The following CLDN14 variants were observed in gnomAD, a reference collection of about 807,000 sequenced individuals.
CLDN14 encodes the protein claudin 14, also known as claudin-14.
In CLDN14, 2 loss-of-function variants were observed where a neutral mutation model predicts 2.1. That is an observed-to-expected ratio of 0.96 (90% CI 0.39 to 3.01). The LOEUF (loss-of-function observed/expected upper bound fraction) is 3.01. Ranked by LOEUF, CLDN14 falls within the 30% of genes most tolerant of loss-of-function variation. CLDN14 has a pLI of 0.09. For synonymous variants in CLDN14, 136 were observed against 154.4 expected (o/e 0.88, Z 0.88); for missense variants, 298 against 328.0 (o/e 0.91, Z 0.71).
At chr21:36,466,756 C>A (rs2086651105) in intron 1 of CLDN14, among the ~76,000 whole-genome samples, 1 of 152,166 alleles carries the variant, frequency 6.6e-6, no homozygotes, top group Non-Finnish European at 1.5e-5. Context: ...CTCATTCCAG[C>A]ATTAACTCAA....
At chr21:36,496,016 G>A (rs1249097804) in intron 2 of CLDN14, among the ~76,000 whole-genome samples, 4 of 152,170 alleles carry the variant, frequency 2.6e-5, no homozygotes, top group Admixed American at 2.6e-4. Flanking sequence ...TGGTCCTCTT[G>A]GCACTTTGAT....
In CLDN14 at chr21:36,460,800, CCTCTT is replaced by C; in HGVS notation, c.*171_*175del. 2.8e-6 allele frequency: 2 copies of C among 705,576 alleles called. No individual in the cohort carries two copies. Among genetic ancestry groups the C allele is most frequent in the South Asian group, 3.8e-5 (2 of 52,350 alleles). The allele number at this position is 705,576 out of a possible 1,614,324, so 43.7% of individuals were successfully genotyped here. Reference sequence around the variant, plus strand: ...TCTTTGGTATAGAGAGCTTTCTCCTCCTCTTATTTCCCCCTCTGTCCCTGTGCTCT... The same window carrying C: ...TCTTTGGTATAGAGAGCTTTCTCCTCATTTCCCCCTCTGTCCCTGTGCTCT... On this transcript the variant is annotated 3_prime_UTR_variant, in exon 2 of 2. Coordinates refer to ENST00000399135, the MANE Select transcript of CLDN14 (RefSeq NM_001146079.2). This position sits in a 1 kb window ranked among gnomAD's most constrained non-coding sequence, Gnocchi z 4.0.
intron 1 of CLDN14, among the ~76,000 whole-genome samples, chr21:36,535,422 TAAA>T (rs1205360033): frequency 4.4e-5 from 2 of 45,606 alleles, no homozygotes; most frequent in Non-Finnish European, 1.9e-4. Flanking sequence ...AAGTAAAAAA[TAAA>T]ATACAAATAA....
At chr21:36,486,677 T>G in intron 2 of CLDN14, 1 of 1,368,634 alleles carries the variant, frequency 7.3e-7, no homozygotes, top group Non-Finnish European at 1.0e-6. Flanking sequence ...TTCCCCCAAA[T>G]TTATCATGTC....
At chr21:36,524,838 C>T (rs905299210) in intron 1 of CLDN14, among the ~76,000 whole-genome samples, 1 of 152,210 alleles carries the variant, frequency 6.6e-6, no homozygotes, top group South Asian at 2.1e-4. Flanking sequence ...GGCCCTGCAC[C>T]CAGGTGACAT....
At chr21:36,536,690 C>G (rs2087426148) in intron 1 of CLDN14, among the ~76,000 whole-genome samples, 1 of 152,198 alleles carries the variant, frequency 6.6e-6, no homozygotes, top group African/African-American at 2.4e-5. Flanking sequence ...TATTCCCCTC[C>G]TTCCTCCCAC....
chr21:36,539,507 GGAGT>G (rs1568874678), intron 1 of CLDN14, among the ~76,000 whole-genome samples: 3 of 144,488 alleles, frequency 2.1e-5, no homozygotes, highest in Non-Finnish European at 4.6e-5. Context: ...CAGAGTGTGT[GGAGT>G]GAGTGTATGC....
chr21:36,561,361 T>C (rs117260915), intron 1 of CLDN14, among the ~76,000 whole-genome samples: 1 of 152,318 alleles, frequency 6.6e-6, no homozygotes, highest in East Asian at 1.9e-4. Context: ...GGAAATTTTT[T>C]CTTGACCTGT....
chr21:36,505,284 T>C (rs572006295), intron 2 of CLDN14, among the ~76,000 whole-genome samples: 15 of 152,326 alleles, frequency 9.8e-5, no homozygotes, highest in African/African-American at 3.6e-4. Context: ...TCTTTTAGTA[T>C]TTTACAAAAG....
chr21:36,554,754 T>C (rs1340929217), intron 1 of CLDN14, among the ~76,000 whole-genome samples: 1 of 152,084 alleles, frequency 6.6e-6, no homozygotes, highest in Non-Finnish European at 1.5e-5. Context: ...TAAAGTTCCC[T>C]GAGGGCAGAG....
In CLDN14 at chr21:36,498,627, C is replaced by T. The variant is rs534526725; in HGVS notation, c.-82+11736G>A. ...GATGGGGACGTGGAACTGGTAGGAC[C>T]GATGGCTAAGCTCTCTTCCCCTCCA... On this transcript the variant is annotated intron_variant, in intron 2 of 2. Transcript: ENST00000342108. The surrounding 1 kb of genome is among the most constrained non-coding windows in gnomAD (Gnocchi z 4.9). Among the ~76,000 whole-genome samples the T allele has an allele frequency of 1.1e-4, 17 of 152,258 alleles. No homozygotes were observed. The highest frequency in any genetic ancestry group is 2.1e-4 in the South Asian group (1 of 4,820).
intron 1 of CLDN14, among the ~76,000 whole-genome samples, chr21:36,469,752 C>A (rs1039523347): frequency 1.3e-5 from 2 of 152,182 alleles, no homozygotes; most frequent in Non-Finnish European, 2.9e-5. Flanking sequence ...ACCATGACCA[C>A]AAAAATTAAA....
At chr21:36,481,211 C>G (rs2146449935), upstream of CLDN14, 1 of 152,222 alleles carries the variant, frequency 6.6e-6, no homozygotes, top group East Asian at 1.9e-4. Flanking sequence ...AGAATTTTAC[C>G]TGACAACGAA....
chr21:36,537,930 G>A (rs1370506847), intron 1 of CLDN14, among the ~76,000 whole-genome samples: 1 of 152,104 alleles, frequency 6.6e-6, no homozygotes, highest in Non-Finnish European at 1.5e-5. Flanking sequence ...TTACTGGCAT[G>A]AGCCACCACA....
At chr21:36,542,013 A>G (rs2087492969) in intron 1 of CLDN14, among the ~76,000 whole-genome samples, 1 of 152,152 alleles carries the variant, frequency 6.6e-6, no homozygotes, top group South Asian at 2.1e-4. Flanking sequence ...GCTGGAGTGC[A>G]GTGGTGTGAT....
At chr21:36,491,238 T>C (rs1460936635) in intron 2 of CLDN14, among the ~76,000 whole-genome samples, 1 of 152,128 alleles carries the variant, frequency 6.6e-6, no homozygotes, top group Non-Finnish European at 1.5e-5. Flanking sequence ...CCTGAAGAAC[T>C]TCACTCACAG....
chr21:36,528,456 C>T (rs2087352533), intron 1 of CLDN14, among the ~76,000 whole-genome samples: 1 of 152,190 alleles, frequency 6.6e-6, no homozygotes, highest in South Asian at 2.1e-4. Context: ...TGTTAGGAAA[C>T]TCTTCTTTCT....
At chr21:36,511,370 G>A (rs1425706201) in intron 1 of CLDN14, among the ~76,000 whole-genome samples, 3 of 152,172 alleles carry the variant, frequency 2.0e-5, no homozygotes, top group East Asian at 1.9e-4. Context: ...ACCAGATCCC[G>A]TATTGCCTTG....
intron 2 of CLDN14, among the ~76,000 whole-genome samples, chr21:36,495,648 T>C (rs2087008979): frequency 6.6e-6 from 1 of 152,248 alleles, no homozygotes. Context: ...AGCTTGGGGC[T>C]AGAGCCCCTG....
Sources: gnomAD v4.1 joint callset for allele counts (sites outside exome capture counted in the v4.1 genomes callset) on GRCh38, gnomAD v4.1.1 for gene constraint, Gnocchi (gnomAD v3.1) non-coding constraint, MANE v1.5 for transcripts, NCBI Gene and HGNC (gene_info 2026-07-23, HGNC 2026-07-21) for gene names.